Variants in LRP1B observed in about 807,000 individuals in gnomAD.
LRP1B encodes the protein low-density lipoprotein receptor-related protein 1B.
A neutral mutation model predicts 556.6 loss-of-function variants in LRP1B; 217 were observed. The observed-to-expected ratio is 0.39, with a 90% CI of 0.35 to 0.44. LRP1B has a LOEUF of 0.44. LRP1B is among the 20% of genes least tolerant of loss of function. The pLI is 1.00. For missense variants in LRP1B, 5,053 were observed against 5,620.8 expected, an observed-to-expected ratio of 0.90 and a Z score of 3.23; for synonymous variants, 2,047 against 1,865.8, an observed-to-expected ratio of 1.10 and a Z score of -2.50.
chr2:140,563,189 C>T (rs1240504818), intron 43 of LRP1B, among the ~76,000 whole-genome samples: 2 of 151,876 alleles, frequency 1.3e-5, no homozygotes, highest in Admixed American at 6.6e-5. Context: ...CACACACACA[C>T]CCACACACAC....
chr2:140,646,835 G>T (rs1684502355), intron 41 of LRP1B, among the ~76,000 whole-genome samples: 1 of 151,858 alleles, frequency 6.6e-6, no homozygotes, highest in Admixed American at 6.6e-5. Context: ...TATCTGTATA[G>T]ATGTATGTAA....
At chr2:141,009,590 C>T (rs1697681252) in intron 14 of LRP1B, among the ~76,000 whole-genome samples, 1 of 151,816 alleles carries the variant, frequency 6.6e-6, no homozygotes, top group African/African-American at 2.4e-5. Context: ...GGTCCTACCA[C>T]CAAACCTAAA....
intron 2 of LRP1B, among the ~76,000 whole-genome samples, chr2:141,699,292 G>T (rs542214402): frequency 6.6e-6 from 1 of 151,684 alleles, no homozygotes; most frequent in African/African-American, 2.4e-5. Context: ...TGCACATCAG[G>T]GTTGCTAACC....
At chr2:140,989,289 C>T (rs561334874) in intron 17 of LRP1B, among the ~76,000 whole-genome samples, 2 of 152,032 alleles carry the variant, frequency 1.3e-5, no homozygotes, top group African/African-American at 2.4e-5. Flanking sequence ...AGTGTGTCGA[C>T]AGTCAACCCA....
intron 32 of LRP1B, 141 bp downstream of exon 32, chr2:140,813,516 A>G: frequency 1.5e-6 from 1 of 665,728 alleles, no homozygotes; most frequent in Non-Finnish European, 2.5e-6. Flanking sequence ...GAAGGAAGAG[A>G]AGAAAACCTC....
chr2:142,115,845 TATATATATAC>T (rs1485319623), intron 1 of LRP1B, among the ~76,000 whole-genome samples: 2 of 9,346 alleles, frequency 2.1e-4, no homozygotes, highest in Admixed American at 5.6e-3. Context: ...ATATGTAATA[TATATATATAC>T]ATATATATAT....
intron 66 of LRP1B, among the ~76,000 whole-genome samples, chr2:140,407,680 A>G (rs1684800001): frequency 6.6e-6 from 1 of 152,034 alleles, no homozygotes; most frequent in South Asian, 2.1e-4. Context: ...AAAAAATAGT[A>G]CATGTTGCTG....
intron 21 of LRP1B, among the ~76,000 whole-genome samples, chr2:140,922,665 TAAAC>T (rs1001601195): frequency 2.6e-5 from 4 of 151,830 alleles, no homozygotes; most frequent in East Asian, 1.9e-4. Context: ...CAGAAATAAA[TAAAC>T]AAATAAATTA....
intron 18 of LRP1B, among the ~76,000 whole-genome samples, chr2:140,974,752 C>T (rs766511214): frequency 3.3e-5 from 5 of 152,174 alleles, no homozygotes; most frequent in Admixed American, 1.3e-4. Context: ...AGTATCCCCA[C>T]GTTCTACAGA....
At chr2:140,711,029 T>C (rs1687013913) in intron 37 of LRP1B, among the ~76,000 whole-genome samples, 1 of 151,982 alleles carries the variant, frequency 6.6e-6, no homozygotes. Context: ...GTTGGTAAAA[T>C]AGAAGAGAAT....
rs146523692 is a variant in LRP1B, at chr2:141,861,917, G to T, written c.83-51516C>A. 8.3e-3 allele frequency among the ~76,000 whole-genome samples: 1,249 copies of T among 150,658 alleles called. 20 individuals carry two copies. The highest frequency in any genetic ancestry group is 0.029 in the African/African-American group (1,182 of 40,864). On this transcript the variant is annotated intron_variant, in intron 1 of 90. Coordinates refer to ENST00000389484, the MANE Select transcript of LRP1B (RefSeq NM_018557.3). The stretch of plus-strand genomic sequence containing the variant: ...TGCACTTTAGCCTGGGCAACAGAGT[G>T]AGACTCCATCTCAAAAAAAAAAGAA...
intron 72 of LRP1B, among the ~76,000 whole-genome samples, chr2:140,360,911 A>G (rs1413328159): frequency 6.6e-6 from 1 of 151,486 alleles, no homozygotes; most frequent in African/African-American, 2.4e-5. Context: ...CTTCATTTGT[A>G]AAACCACTAC....
At chr2:141,591,367 T>G (rs11684996) in intron 2 of LRP1B, among the ~76,000 whole-genome samples, 11,931 of 122,070 alleles carry the variant, frequency 0.098, 584 homozygotes, top group South Asian at 0.17. Flanking sequence ...TTGTTTGTTT[T>G]TTTTTTTTTC....
chr2:140,291,320 T>TATATATATATATATATAAATATATATA (rs745524571), intron 84 of LRP1B, among the ~76,000 whole-genome samples: 1 of 51,856 alleles, frequency 1.9e-5, no homozygotes, highest in Non-Finnish European at 3.9e-5. Flanking sequence ...ATATATATAT[T>TATATATATATATATATAAATATATATA]TTTATTATAC....
chr2:140,314,539 A>G (rs1573775670), intron 83 of LRP1B, among the ~76,000 whole-genome samples: 1 of 152,246 alleles, frequency 6.6e-6, no homozygotes, highest in South Asian at 2.1e-4. Context: ...CAGTTTATTT[A>G]CATTTAAAAT....
Position 140,526,346 on chromosome 2 carries a change from T to C in LRP1B, c.7767A>G (p.Ser2589=), listed in dbSNP as rs1247523887. The change falls in exon 48 of 91, where the codon TCA becomes TCG. Residue 2589 remains serine, a synonymous_variant. Coordinates refer to ENST00000389484, the MANE Select transcript of LRP1B (RefSeq NM_018557.3). ...AGCGGAACTCAACCGTGGCACAGGT[T>C]GAAACTAGAAAAACAGGTACATAAA... ...DNSDELDCKV[S]TCATVEFRCA... 6.2e-7 allele frequency: 1 copy of C among 1,605,528 alleles called. No individual in the cohort carries two copies. The highest frequency in any genetic ancestry group is 1.1e-5 in the South Asian group (1 of 90,808).
At chr2:141,357,526 C>T (rs182839814) in intron 3 of LRP1B, among the ~76,000 whole-genome samples, 69 of 152,058 alleles carry the variant, frequency 4.5e-4, no homozygotes, top group East Asian at 3.1e-3. Context: ...CCTGAAAACG[C>T]GCTGAATTTA....
chr2:141,821,284 G>GT (rs1696744036), intron 1 of LRP1B, among the ~76,000 whole-genome samples: 1 of 152,212 alleles, frequency 6.6e-6, no homozygotes, highest in South Asian at 2.1e-4. Flanking sequence ...CAATTTCCCA[G>GT]TTTCATGTCA....
chr2:141,727,543 C>T (rs1443406620), intron 2 of LRP1B, among the ~76,000 whole-genome samples: 1 of 152,110 alleles, frequency 6.6e-6, no homozygotes, highest in Admixed American at 6.6e-5. Flanking sequence ...GATTTCAATC[C>T]TGGTTATCCC....
Sources: allele counts gnomAD v4.1 joint callset (sites outside exome capture counted in the v4.1 genomes callset), GRCh38; gene constraint gnomAD v4.1.1; transcripts MANE v1.5; gene names NCBI Gene and HGNC (gene_info 2026-07-23, HGNC 2026-07-21).